Variants in RALGAPA2 observed in about 807,000 individuals in gnomAD.
The protein encoded by RALGAPA2 is ral GTPase-activating protein subunit alpha-2.
Under a neutral mutation model 230.4 loss-of-function variants are expected in RALGAPA2, and 139 were observed. The observed-to-expected ratio is 0.60, with a 90% CI of 0.53 to 0.69. The LOEUF is 0.69. Ranked by LOEUF, RALGAPA2 falls within the 30% of genes least tolerant of loss-of-function variation. The probability of loss-of-function intolerance (pLI) is 0.00; values close to 1 mark genes in which losing one functional copy is unlikely to be tolerated. For missense variants in RALGAPA2, 2,163 were observed against 2,276.0 expected (o/e 0.95, Z 1.01); for synonymous variants, 847 against 837.8 (o/e 1.01, Z -0.19).
intron 26 of RALGAPA2, 66 bp downstream of exon 26, chr20:20,535,679 T>A: frequency 6.6e-7 from 1 of 1,508,726 alleles, no homozygotes; most frequent in Non-Finnish European, 8.9e-7. Flanking sequence ...TTTGTAACAT[T>A]AACTACTTAC....
chr20:20,593,283 A>G (rs1230221295), intron 16 of RALGAPA2, among the ~76,000 whole-genome samples: 2 of 152,250 alleles, frequency 1.3e-5, no homozygotes, highest in African/African-American at 2.4e-5. Context: ...AAAGACAGCT[A>G]TGTTAAAGCC....
chr20:20,531,521 G>A (rs974463439), intron 27 of RALGAPA2, among the ~76,000 whole-genome samples, 166 bp downstream of exon 27: 20 of 152,216 alleles, frequency 1.3e-4, no homozygotes, highest in African/African-American at 4.8e-4. Context: ...CTGCCAGCAG[G>A]GGAGCATCCG....
intron 9 of RALGAPA2, among the ~76,000 whole-genome samples, chr20:20,634,402 C>T (rs2066787061): frequency 6.6e-6 from 1 of 152,064 alleles, no homozygotes; most frequent in African/African-American, 2.4e-5. Flanking sequence ...TTAAAGGTTT[C>T]TTAAAACTTT....
chr20:20,699,862 T>C (rs1426743900), intron 1 of RALGAPA2, among the ~76,000 whole-genome samples: 4 of 152,210 alleles, frequency 2.6e-5, no homozygotes, highest in Admixed American at 6.5e-5. Context: ...TTGGTGGGAA[T>C]GTAAATTAGC....
intron 31 of RALGAPA2, among the ~76,000 whole-genome samples, chr20:20,515,844 T>TGG (rs1447973031): frequency 1.2e-4 from 13 of 109,630 alleles, no homozygotes; most frequent in African/African-American, 4.4e-4. Context: ...CCAATGGGAG[T>TGG]GGGGCGGGGG....
chr20:20,451,682 C>T (rs901370948), intron 37 of RALGAPA2, among the ~76,000 whole-genome samples: 3 of 152,208 alleles, frequency 2.0e-5, no homozygotes, highest in African/African-American at 7.2e-5. Flanking sequence ...TATTTTAGTA[C>T]TTAAGGTCTC....
At chr20:20,693,182 GTAA>G (rs2068978915) in intron 1 of RALGAPA2, among the ~76,000 whole-genome samples, 1 of 152,144 alleles carries the variant, frequency 6.6e-6, no homozygotes, top group Non-Finnish European at 1.5e-5. Context: ...TTGTGTAAAA[GTAA>G]TTCTGTATAA....
Position 20,619,378 on chromosome 20 carries a change from T to C in RALGAPA2, c.1438A>G (p.Ser480Gly). 6.2e-7 allele frequency: 1 copy of C among 1,608,866 alleles called. No homozygotes were observed. The highest frequency in any genetic ancestry group is 2.2e-5 in the East Asian group (1 of 44,808). Residue 480 changes from serine (S) to glycine (G), a missense_variant, in exon 12 of 40, where the codon AGT (serine) becomes GGT (glycine). Physicochemically the swap from Ser to Gly is moderately conservative, Grantham distance 56. Coordinates refer to ENST00000202677, the MANE Select transcript of RALGAPA2 (RefSeq NM_020343.4). ...SESSGHKRSS[S>G]WGRTYSFTSA... ...GTGAAGGAGTATGTGCGTCCCCAAC[T>C]GGAAGATCGTTTATGACCAGAACTT... is the stretch of plus-strand genomic sequence containing the variant.
chr20:20,545,137 A>T (rs894883599), intron 24 of RALGAPA2, among the ~76,000 whole-genome samples: 1 of 152,152 alleles, frequency 6.6e-6, no homozygotes, highest in Admixed American at 6.5e-5. Context: ...ATTATCCTAA[A>T]TTTTTTCAGA....
chr20:20,438,770 T>G (rs2060669553), intron 37 of RALGAPA2, among the ~76,000 whole-genome samples: 2 of 152,272 alleles, frequency 1.3e-5, no homozygotes, highest in African/African-American at 4.8e-5. Context: ...AAAGACGGAC[T>G]AATTATTTAT....
intron 37 of RALGAPA2, among the ~76,000 whole-genome samples, chr20:20,464,809 GA>G (rs2061378505): frequency 6.6e-6 from 1 of 151,912 alleles, no homozygotes; most frequent in South Asian, 2.1e-4. Context: ...CCAGTAAGAA[GA>G]AAAAAACACA....
intron 12 of RALGAPA2, among the ~76,000 whole-genome samples, chr20:20,616,945 A>T (rs574752732): frequency 8.5e-5 from 13 of 152,340 alleles, no homozygotes; most frequent in African/African-American, 2.9e-4. Flanking sequence ...GGGGTATCTC[A>T]GCAGAAAAAT....
At chr20:20,674,672 A>T (rs949240348) in intron 3 of RALGAPA2, among the ~76,000 whole-genome samples, 1 of 152,248 alleles carries the variant, frequency 6.6e-6, no homozygotes, top group African/African-American at 2.4e-5. Flanking sequence ...CTGAATAAAC[A>T]TGAACTAAAT....
At chr20:20,509,455 A>T (rs965973806) in intron 33 of RALGAPA2, among the ~76,000 whole-genome samples, 4 of 152,108 alleles carry the variant, frequency 2.6e-5, no homozygotes, top group Non-Finnish European at 5.9e-5. Flanking sequence ...TTGTGTTTTT[A>T]AAAAAATGTC....
intron 3 of RALGAPA2, among the ~76,000 whole-genome samples, chr20:20,656,832 T>G (rs754796180): frequency 6.6e-6 from 1 of 151,880 alleles, no homozygotes; most frequent in African/African-American, 2.4e-5. Flanking sequence ...GAACAAGAAA[T>G]GCAAAGACTC....
At chr20:20,687,528 C>A (rs976195782) in intron 1 of RALGAPA2, among the ~76,000 whole-genome samples, 24 of 152,100 alleles carry the variant, frequency 1.6e-4, no homozygotes. Context: ...AGTTGCTGAT[C>A]CAAGCAAAAT....
At chr20:20,449,946 C>T (rs1430777160) in intron 37 of RALGAPA2, among the ~76,000 whole-genome samples, 3 of 152,162 alleles carry the variant, frequency 2.0e-5, no homozygotes, top group Non-Finnish European at 2.9e-5. Context: ...AATGGGGATG[C>T]CCTGCTCTGC....
intron 24 of RALGAPA2, among the ~76,000 whole-genome samples, chr20:20,538,240 A>G (rs2063549492): frequency 1.3e-5 from 2 of 152,352 alleles, no homozygotes; most frequent in South Asian, 4.1e-4. Flanking sequence ...TATAAAGCAC[A>G]GCAGAGCTAT....
intron 37 of RALGAPA2, among the ~76,000 whole-genome samples, chr20:20,466,068 G>C (rs1196455061): frequency 6.6e-6 from 1 of 152,204 alleles, no homozygotes; most frequent in Non-Finnish European, 1.5e-5. Context: ...AGACCAAATG[G>C]TGGGTGCCAT....
Sources: allele counts gnomAD v4.1 joint callset (sites outside exome capture counted in the v4.1 genomes callset), GRCh38; gene constraint gnomAD v4.1.1; transcripts MANE v1.5; gene names NCBI Gene and HGNC (gene_info 2026-07-23, HGNC 2026-07-21).